Variants in CDH12 observed in about 807,000 individuals in gnomAD.
The protein encoded by CDH12 is cadherin 12.
Under a neutral mutation model 74.1 loss-of-function variants are expected in CDH12, and 41 were observed. That is an observed-to-expected ratio of 0.55 (90% CI 0.43 to 0.72). CDH12 has a LOEUF of 0.72. Ranked by LOEUF, CDH12 falls within the 30% of genes least tolerant of loss-of-function variation. The probability of loss-of-function intolerance (pLI) is 0.00; values close to 1 mark genes in which losing one functional copy is unlikely to be tolerated. For synonymous variants in CDH12, 399 were observed against 355.0 expected (o/e 1.12, Z -1.39); for missense variants, 945 against 977.2 (o/e 0.97, Z 0.44).
At chr5:22,677,952 T>A (rs1394573100) in intron 1 of CDH12, among the ~76,000 whole-genome samples, 3 of 151,110 alleles carry the variant, frequency 2.0e-5, no homozygotes, top group African/African-American at 7.3e-5. Flanking sequence ...TGTCTCCCTT[T>A]TTATAAGAAC....
chr5:21,784,157 A>G (rs1027031114), intron 10 of CDH12, among the ~76,000 whole-genome samples: 1 of 152,144 alleles, frequency 6.6e-6, no homozygotes, highest in African/African-American at 2.4e-5. Context: ...TTTGATAATA[A>G]TGGATGTTGC....
chr5:22,047,616 G>A (rs1740051410), intron 5 of CDH12, among the ~76,000 whole-genome samples: 1 of 151,832 alleles, frequency 6.6e-6, no homozygotes, highest in Non-Finnish European at 1.5e-5. Context: ...AGATTTTAAA[G>A]CTGAATTCCT....
intron 4 of CDH12, among the ~76,000 whole-genome samples, chr5:22,090,892 A>G (rs1743380241): frequency 6.6e-6 from 1 of 152,030 alleles, no homozygotes; most frequent in Non-Finnish European, 1.5e-5. Flanking sequence ...TTTTATTGAT[A>G]AAAACAATCA....
intron 3 of CDH12, among the ~76,000 whole-genome samples, chr5:22,260,252 A>C (rs1380568796): frequency 6.6e-6 from 1 of 152,110 alleles, no homozygotes; most frequent in Non-Finnish European, 1.5e-5. Flanking sequence ...ACCCATGTGC[A>C]CATGCACATG....
intron 6 of CDH12, among the ~76,000 whole-genome samples, chr5:21,936,902 T>C (rs1755097930): frequency 2.6e-5 from 4 of 152,182 alleles, no homozygotes; most frequent in African/African-American, 4.8e-5. Context: ...CCCTTCACCT[T>C]CCACCATGAT....
At chr5:22,340,432 C>T (rs1336296590) in intron 3 of CDH12, among the ~76,000 whole-genome samples, 1 of 150,686 alleles carries the variant, frequency 6.6e-6, no homozygotes, top group African/African-American at 2.4e-5. Context: ...GAGGCTGAGG[C>T]AGGAGAATGG....
At chr5:22,165,582 T>G (rs1182728246) in intron 4 of CDH12, among the ~76,000 whole-genome samples, 1 of 152,150 alleles carries the variant, frequency 6.6e-6, no homozygotes, top group African/African-American at 2.4e-5. Context: ...TCACTTGTTT[T>G]TTCCTTATGT....
At chr5:22,410,417 G>A (rs547979201) in intron 2 of CDH12, among the ~76,000 whole-genome samples, 9 of 152,186 alleles carry the variant, frequency 5.9e-5, no homozygotes, top group African/African-American at 1.9e-4. Context: ...CCCCAGACTC[G>A]CAGGGAAGAA....
At chr5:22,782,426 C>T (rs1747428484) in intron 1 of CDH12, among the ~76,000 whole-genome samples, 1 of 152,082 alleles carries the variant, frequency 6.6e-6, no homozygotes, top group Non-Finnish European at 1.5e-5. Context: ...AGCAGTTTCC[C>T]CAGCGTTCTC....
intron 1 of CDH12, among the ~76,000 whole-genome samples, chr5:22,535,645 G>T (rs2126711372): frequency 6.6e-6 from 1 of 152,302 alleles, no homozygotes; most frequent in Admixed American, 6.5e-5. Flanking sequence ...GAAATCAAAT[G>T]ATTTTAAAAT....
intron 1 of CDH12, among the ~76,000 whole-genome samples, chr5:22,785,716 C>T (rs1004290374): frequency 3.7e-4 from 57 of 152,138 alleles, no homozygotes; most frequent in African/African-American, 1.3e-3. Flanking sequence ...TGGGGTTTCG[C>T]CATGTTGCCA....
intron 4 of CDH12, among the ~76,000 whole-genome samples, chr5:22,167,294 A>G (rs1748739453): frequency 6.6e-6 from 1 of 152,246 alleles, no homozygotes; most frequent in Admixed American, 6.5e-5. Flanking sequence ...ATAAATGCCA[A>G]TCAAGTAAAT....
At chr5:22,766,720 G>A (rs1453394012) in intron 1 of CDH12, among the ~76,000 whole-genome samples, 1 of 152,054 alleles carries the variant, frequency 6.6e-6, no homozygotes, top group East Asian at 1.9e-4. Context: ...CGAACATGCA[G>A]AAACTTGTTT....
At chr5:21,772,061 A>T (rs1485951888) in intron 11 of CDH12, among the ~76,000 whole-genome samples, 1 of 152,110 alleles carries the variant, frequency 6.6e-6, no homozygotes, top group Non-Finnish European at 1.5e-5. Context: ...AGCCTGAGCT[A>T]AGTTTTTCAG....
At chr5:22,047,931 T>C (rs1740075878) in intron 5 of CDH12, among the ~76,000 whole-genome samples, 3 of 152,196 alleles carry the variant, frequency 2.0e-5, no homozygotes, top group Admixed American at 2.0e-4. Context: ...TAGGATATCA[T>C]GGATACTTCT....
At chr5:21,772,855 T>A (rs1424683795) in intron 11 of CDH12, among the ~76,000 whole-genome samples, 1 of 152,204 alleles carries the variant, frequency 6.6e-6, no homozygotes, top group African/African-American at 2.4e-5. Flanking sequence ...TAATTTCCTG[T>A]GATAATCAGA....
At chr5:22,502,551 A>C (rs1396980140) in intron 2 of CDH12, among the ~76,000 whole-genome samples, 1 of 152,120 alleles carries the variant, frequency 6.6e-6, no homozygotes, top group Non-Finnish European at 1.5e-5. Context: ...GAAATTATAC[A>C]GGATAGATGG....
chr5:22,667,765 A>C (rs1740696218), intron 1 of CDH12, among the ~76,000 whole-genome samples: 1 of 152,198 alleles, frequency 6.6e-6, no homozygotes, highest in African/African-American at 2.4e-5. Context: ...ATTTGCTCTG[A>C]AGATTTGAAG....
chr5:22,157,597 T>A (rs926535614), intron 4 of CDH12, among the ~76,000 whole-genome samples: 19 of 148,198 alleles, frequency 1.3e-4, no homozygotes, highest in East Asian at 4.0e-4. Flanking sequence ...GAAAAAAAAA[T>A]TCCCCTTCTA....
Sources: gnomAD v4.1 joint callset for allele counts (sites outside exome capture counted in the v4.1 genomes callset) on GRCh38, gnomAD v4.1.1 for gene constraint, MANE v1.5 for transcripts, NCBI Gene and HGNC (gene_info 2026-07-23, HGNC 2026-07-21) for gene names.